Variants in ACOT12 observed in about 807,000 individuals in gnomAD.
The protein encoded by ACOT12 is acetyl-coenzyme A thioesterase.
ACOT12 carries 51 observed loss-of-function variants against 67.7 expected under a neutral mutation model. That is an observed-to-expected ratio of 0.75 (90% confidence interval 0.60 to 0.95). ACOT12 has a LOEUF of 0.95. ACOT12 is among the 40% of genes least tolerant of loss of function. The pLI, the probability that ACOT12 is intolerant of heterozygous loss-of-function variation, is 0.00. For synonymous variants in ACOT12, 251 were observed against 244.6 expected, an observed-to-expected ratio of 1.03 and a Z score of -0.24; for missense variants, 734 against 708.1, an observed-to-expected ratio of 1.04 and a Z score of -0.41.
At chr5:81,391,226 T>C (rs888853947) in intron 1 of ACOT12, among the ~76,000 whole-genome samples, 5 of 152,248 alleles carry the variant, frequency 3.3e-5, no homozygotes, top group Non-Finnish European at 5.9e-5. Flanking sequence ...TCTGGCTCTT[T>C]CCTTTCTGGA....
intron 5 of ACOT12, among the ~76,000 whole-genome samples, chr5:81,353,441 C>T (rs1327773794): frequency 1.3e-5 from 2 of 152,202 alleles, no homozygotes; most frequent in African/African-American, 4.8e-5. Flanking sequence ...ACTGTGTCAT[C>T]AACCTGCTTT....
chr5:81,349,538 C>T (rs1370097731), intron 5 of ACOT12, among the ~76,000 whole-genome samples: 1 of 152,146 alleles, frequency 6.6e-6, no homozygotes, highest in Non-Finnish European at 1.5e-5. Context: ...CTCTGTGGCC[C>T]CCCCTTGGTC....
At chr5:81,366,553 A>G (rs889825753) in intron 3 of ACOT12, among the ~76,000 whole-genome samples, 3 of 152,194 alleles carry the variant, frequency 2.0e-5, no homozygotes, top group Non-Finnish European at 4.4e-5. Flanking sequence ...AACTCTGTCA[A>G]TGTACTGTGA....
rs188667267 is a variant in ACOT12 at position 81,367,724 on chromosome 5, T to C, written c.259-3835A>G. Among the ~76,000 whole-genome samples the C allele has an allele frequency of 5.4e-3, 817 of 152,248 alleles. 8 individuals are homozygous for C. The highest frequency in any genetic ancestry group is 0.018 in the African/African-American group (760 of 41,540). ...GATGATAGATTTCAACTCTACCATA[T>C]AGATAATCAAATGTAAATAGTTTAA... On this transcript the variant is annotated intron_variant, in intron 3 of 14. Coordinates refer to ENST00000307624, the MANE Select transcript of ACOT12 (RefSeq NM_130767.3).
At chr5:81,355,703 G>C (rs1759690349) in intron 5 of ACOT12, among the ~76,000 whole-genome samples, 1 of 152,256 alleles carries the variant, frequency 6.6e-6, no homozygotes, top group African/African-American at 2.4e-5. Context: ...GCCTTTAGGA[G>C]TAAGTCCGGT....
chr5:81,310,293 C>T, the ACOT12 span, among the ~76,000 whole-genome samples: 4 of 151,732 alleles, frequency 2.6e-5, no homozygotes, highest in South Asian at 2.1e-4. Context: ...GGGCTTTCTG[C>T]GATTTGTTTT....
chr5:81,341,338 A>C (rs1164203405), intron 11 of ACOT12, among the ~76,000 whole-genome samples: 1 of 152,260 alleles, frequency 6.6e-6, no homozygotes, highest in Non-Finnish European at 1.5e-5. Context: ...AACCAAAAAC[A>C]AAACATTCAG....
At chr5:81,308,873 A>G in the ACOT12 span, 1,387 of 1,431,204 alleles carry the variant, frequency 9.7e-4, 2 homozygotes, top group Non-Finnish European at 1.3e-3. Context: ...TATTCAGAGT[A>G]TTTTAAAATA....
At chr5:81,365,566 T>A (rs949938119) in intron 3 of ACOT12, among the ~76,000 whole-genome samples, 4 of 152,250 alleles carry the variant, frequency 2.6e-5, no homozygotes, top group African/African-American at 9.6e-5. Context: ...CTTAGTTATA[T>A]GTGATTACCA....
chr5:81,335,391 G>A (rs1216114470), intron 12 of ACOT12, among the ~76,000 whole-genome samples: 3 of 151,966 alleles, frequency 2.0e-5, no homozygotes, highest in Admixed American at 1.3e-4. Context: ...TTTTTGACAG[G>A]GTCTCCTGTG....
intron 5 of ACOT12, among the ~76,000 whole-genome samples, chr5:81,355,932 G>A (rs1324043464): frequency 6.6e-6 from 1 of 152,146 alleles, no homozygotes; most frequent in Non-Finnish European, 1.5e-5. Flanking sequence ...CAAAGGCTCT[G>A]AACTAGCCAA....
the ACOT12 span, among the ~76,000 whole-genome samples, chr5:81,319,723 A>C: frequency 6.6e-6 from 1 of 151,974 alleles, no homozygotes; most frequent in South Asian, 2.1e-4. Flanking sequence ...CTCAAAAAAA[A>C]AAAAAAAGAA....
chr5:81,338,555 A>T (rs983574629), intron 11 of ACOT12, among the ~76,000 whole-genome samples: 3 of 152,186 alleles, frequency 2.0e-5, no homozygotes, highest in Non-Finnish European at 4.4e-5. Flanking sequence ...TGGAACCCTG[A>T]ACCAATTAAA....
chr5:81,334,193 C>G (rs957573361), intron 12 of ACOT12, among the ~76,000 whole-genome samples: 4 of 152,184 alleles, frequency 2.6e-5, no homozygotes, highest in Non-Finnish European at 5.9e-5. Context: ...CAAGGCCACG[C>G]GTGAGCCGTT....
the ACOT12 span, among the ~76,000 whole-genome samples, chr5:81,324,796 C>A: frequency 6.6e-6 from 1 of 152,080 alleles, no homozygotes; most frequent in African/African-American, 2.4e-5. Context: ...TGCTCAGAGA[C>A]TAAGTAAGTC....
chr5:81,342,848 G>T, intron 10 of ACOT12, 93 bp from the exon 11 acceptor site: 1 of 1,295,126 alleles, frequency 7.7e-7, no homozygotes, highest in Non-Finnish European at 1.1e-6. Flanking sequence ...CACTGTTGGA[G>T]GAGGTATGTG....
Position 81,341,039 on chromosome 5 carries a change from G to A in ACOT12, c.1128+1633C>T, listed in dbSNP as rs1271233374. Reference sequence around the variant, plus strand: ...GAACTGCAGTTTTAATATATTCTACGACTTCACTAAATATGTTCTTTCAGT... The same window carrying A: ...GAACTGCAGTTTTAATATATTCTACAACTTCACTAAATATGTTCTTTCAGT... On this transcript the variant is annotated intron_variant, in intron 11 of 14. Transcript: ENST00000307624. Among the ~76,000 whole-genome samples, 9 of 152,156 alleles carry A rather than the reference G, an allele frequency of 5.9e-5. No homozygotes were observed. In the South Asian group the frequency reaches 6.2e-4, roughly 11 times the overall value.
rs1759372636 is a variant in ACOT12, at chr5:81,346,061, C to G, written c.654-57G>C. 25 of 1,595,114 alleles carry G rather than the reference C, an allele frequency of 1.6e-5. No homozygotes were observed. In the South Asian group the frequency reaches 2.6e-4, roughly 17 times the overall value. On this transcript the variant is annotated intron_variant, in intron 6 of 14. Transcript: ENST00000307624. ...AGCGATCACACATTCATTCATCGAA[C>G]AAATGCACAGACAAGTCTTCAAATA...
chr5:81,335,970 A>G (rs1758987906), intron 11 of ACOT12, 69 bp from the exon 12 acceptor site: 1 of 1,487,324 alleles, frequency 6.7e-7, no homozygotes, highest in Non-Finnish European at 9.1e-7. Flanking sequence ...CCATATGCAT[A>G]TATATGTAGT....
Sources: allele counts gnomAD v4.1 joint callset (sites outside exome capture counted in the v4.1 genomes callset), GRCh38; gene constraint gnomAD v4.1.1; transcripts MANE v1.5; gene names NCBI Gene and HGNC (gene_info 2026-07-23, HGNC 2026-07-21).